The following GAPVD1 variants were observed in gnomAD, a reference collection of about 807,000 sequenced individuals.
GAPVD1 encodes GTPase activating protein and VPS9 domains 1.
A neutral mutation model predicts 155.5 loss-of-function variants in GAPVD1; 35 were observed. The ratio of observed to expected loss-of-function variants is 0.23; its 90% confidence interval spans 0.17 to 0.30. The LOEUF is 0.30. Ranked by LOEUF, GAPVD1 falls within the 10% of genes least tolerant of loss-of-function variation. The probability of loss-of-function intolerance (pLI) is 1.00; values close to 1 mark genes in which losing one functional copy is unlikely to be tolerated. For missense variants in GAPVD1, 1,429 were observed against 1,775.7 expected (o/e 0.80, Z 3.51); for synonymous variants, 636 against 619.7 (o/e 1.03, Z -0.39).
intron 9 of GAPVD1, among the ~76,000 whole-genome samples, chr9:125,314,189 G>A (rs1400505421): frequency 6.6e-6 from 1 of 152,100 alleles, no homozygotes; most frequent in Non-Finnish European, 1.5e-5. Context: ...CTGCATTATA[G>A]AGCCAAAAAT....
chr9:125,354,748 C>A lies in GAPVD1; in HGVS notation c.3664C>A (p.Arg1222=). The A allele has an allele frequency of 6.2e-7, 1 of 1,613,034 alleles. No homozygotes were observed. Among genetic ancestry groups the A allele is most frequent in the Non-Finnish European group, 8.5e-7 (1 of 1,179,012 alleles). ...GGAAAGGCTATTGCAAAGAGTTTTG[C>A]GGGACAAAGAAGTGGCCAATCGATA... The part of the protein sequence containing the change: ...HLERLLQRVL[R]DKEVANRYFT... The change falls in exon 24 of 28, where the codon CGG becomes AGG. Residue 1222 remains arginine, a synonymous_variant. Transcript: ENST00000297933.
chr9:125,333,565 C>T (rs1025017524), intron 15 of GAPVD1, among the ~76,000 whole-genome samples: 26 of 150,322 alleles, frequency 1.7e-4, no homozygotes, highest in Middle Eastern at 3.4e-3. Context: ...CTCGGCTCAC[C>T]ACAACCTCTG....
chr9:125,313,653 G>A (rs1190252642), intron 9 of GAPVD1, among the ~76,000 whole-genome samples: 1 of 152,056 alleles, frequency 6.6e-6, no homozygotes, highest in Non-Finnish European at 1.5e-5. Context: ...CACAGCTGGA[G>A]TGCAATGGTG....
At chr9:125,332,860 G>A (rs1206023400) in intron 15 of GAPVD1, among the ~76,000 whole-genome samples, 3 of 152,156 alleles carry the variant, frequency 2.0e-5, no homozygotes, top group Admixed American at 6.5e-5. Context: ...TCCTTAGCAC[G>A]AAGATGTTCT....
rs1826898842 is a variant in GAPVD1, at chr9:125,337,277, C to G, written c.2563C>G (p.Pro855Ala). 1.2e-6 allele frequency: 2 copies of G among 1,613,958 alleles called. No homozygotes were observed. The highest frequency in any genetic ancestry group is 1.7e-6 in the Non-Finnish European group (2 of 1,179,960). Residue 855 changes from proline to alanine, a missense_variant, in exon 17 of 28, where the codon CCA (proline) becomes GCA (alanine). Physicochemically the swap from Pro to Ala is conservative, Grantham distance 27. This residue lies in a region of GAPVD1 where 699 missense variants were observed against 826.0 expected (regional missense o/e 0.85). Coordinates refer to ENST00000297933, the MANE Select transcript of GAPVD1 (RefSeq NM_001282680.3). ...CTATGCTAGGCCATCGCATCCACCA[C>G]CAGATCCCCCAATCCTGGAAGGAGC... ...VHYARPSHPP[P>A]DPPILEGAVG...
intron 8 of GAPVD1, chr9:125,310,031 C>G (rs1295726519): frequency 5.3e-6 from 2 of 377,574 alleles, no homozygotes; most frequent in East Asian, 1.7e-4. Flanking sequence ...GCTGTTCTTC[C>G]TCTTCTTTTA....
At chr9:125,300,540 A>G (rs942032870) in intron 4 of GAPVD1, among the ~76,000 whole-genome samples, 3 of 152,102 alleles carry the variant, frequency 2.0e-5, no homozygotes, top group African/African-American at 7.2e-5. Flanking sequence ...GATGCAAAAG[A>G]ATACATACTG....
intron 2 of GAPVD1, among the ~76,000 whole-genome samples, chr9:125,271,750 C>T (rs903445638): frequency 8.5e-5 from 13 of 152,110 alleles, no homozygotes; most frequent in South Asian, 4.2e-4. Context: ...GTTGTTTCAC[C>T]GTGTTAGCCG....
intron 1 of GAPVD1, chr9:125,263,528 G>GTTTT: frequency 1.4e-6 from 1 of 697,908 alleles, no homozygotes; most frequent in Non-Finnish European, 2.4e-6. Context: ...AAGAACTGTT[G>GTTTT]TTTTTTTTTT....
Position 125,312,475 on chromosome 9 carries a change from A to G in GAPVD1, c.1465A>G (p.Asn489Asp). The change falls in exon 9 of 28, where the codon AAT becomes GAT. Residue 489 changes from asparagine to aspartate, a missense_variant. This residue lies in a region of GAPVD1 where 628 missense variants were observed against 733.4 expected (regional missense o/e 0.86). Coordinates refer to ENST00000297933, the MANE Select transcript of GAPVD1 (RefSeq NM_001282680.3). ...AGCAACTCGGAGCAGAAGCCGCACC[A>G]ATATGCTAATGGACCTACATATGGA... Reference protein sequence around the residue: ...PIATRSRSRTNMLMDLHMDHE... With the variant: ...PIATRSRSRTDMLMDLHMDHE... 1 of 1,593,132 alleles carries G rather than the reference A, an allele frequency of 6.3e-7. No individual in the cohort carries two copies. The highest frequency in any genetic ancestry group is 8.5e-7 in the Non-Finnish European group (1 of 1,173,106).
chr9:125,277,307 A>G lies in GAPVD1; in HGVS notation c.-150+8323A>G, dbSNP rs1301163646. 2.6e-5 allele frequency among the ~76,000 whole-genome samples: 4 copies of G among 152,316 alleles called. No homozygotes were observed. In the East Asian group the frequency reaches 7.7e-4, roughly 29 times the overall value. On this transcript the variant is annotated intron_variant, in intron 2 of 27. Transcript: ENST00000297933. ...TGTTGTAAAAACAACATTTTGTTGC[A>G]GACAATGTAAAGTGCTGTGGGAGAG... is the stretch of plus-strand genomic sequence containing the variant.
chr9:125,347,733 A>C (rs181129880), intron 20 of GAPVD1, among the ~76,000 whole-genome samples: 2 of 147,084 alleles, frequency 1.4e-5, no homozygotes, highest in African/African-American at 5.1e-5. Context: ...AAAAAAAAAA[A>C]CAAACATAAA....
chr9:125,360,714 G>A lies in GAPVD1; in HGVS notation c.4231G>A (p.Val1411Met). 1 of 1,613,692 alleles carries A rather than the reference G, an allele frequency of 6.2e-7. No homozygotes were observed. The highest frequency in any genetic ancestry group is 8.5e-7 in the Non-Finnish European group (1 of 1,179,694). The change falls in exon 27 of 28, where the codon GTG (valine) becomes ATG (methionine). Residue 1411 changes from valine to methionine, a missense_variant. Around this residue, in one of 4 missense-constraint regions of GAPVD1, gnomAD observed 102 missense variants for 196.5 expected, o/e 0.52. Coordinates refer to ENST00000297933, the MANE Select transcript of GAPVD1 (RefSeq NM_001282680.3). ...ADDFVPVLVF[V>M]LIKANPPCLL... ...TGACTTTGTTCCTGTGTTGGTGTTT[G>A]TGTTGATAAAGGTGGGCCCCTTACT...
At chr9:125,337,149 C>G (rs1010349534) in intron 16 of GAPVD1, 54 bp downstream of exon 16, 6 of 1,600,236 alleles carry the variant, frequency 3.7e-6, no homozygotes, top group Non-Finnish European at 5.1e-6. Flanking sequence ...AGGAGGAAAC[C>G]AAATCCCCTT....
intron 1 of GAPVD1, among the ~76,000 whole-genome samples, chr9:125,265,696 C>A (rs534258596): frequency 5.8e-5 from 8 of 137,894 alleles, no homozygotes; most frequent in African/African-American, 1.6e-4. Flanking sequence ...CAAGTGTGAG[C>A]CACCGCGCCC....
intron 4 of GAPVD1, among the ~76,000 whole-genome samples, chr9:125,300,696 C>G (rs1588767772): frequency 6.6e-6 from 1 of 151,796 alleles, no homozygotes; most frequent in Non-Finnish European, 1.5e-5. Context: ...TTAAAATGTT[C>G]CATGTCTTAA....
In GAPVD1 at chr9:125,364,870, C is replaced by G. The variant is rs531995506; in HGVS notation, c.*2124C>G. ...CTTTGATTCAGTAAATGTTAAGCAG[C>G]AGAAGACTTCGAATGGTTGAAATTC... On this transcript the variant is annotated 3_prime_UTR_variant, in exon 28 of 28. Transcript: ENST00000297933. 6.6e-6 allele frequency: 1 copy of G among 152,586 alleles called. No individual in the cohort carries two copies. The highest frequency in any genetic ancestry group is 1.5e-5 in the Non-Finnish European group (1 of 68,032). 9.5% of individuals were successfully genotyped at this position (152,586 alleles called of 1,614,324 possible). A position where few individuals can be genotyped will look rare whatever the true frequency, so the allele number is the denominator to read the frequency against.
Position 125,337,253 on chromosome 9 carries a change from T to C in GAPVD1, c.2539T>C (p.Tyr847His), listed in dbSNP as rs953687195. 1 of 1,614,178 alleles carries C rather than the reference T, an allele frequency of 6.2e-7. No individual in the cohort carries two copies. The highest frequency in any genetic ancestry group is 8.5e-7 in the Non-Finnish European group (1 of 1,180,016). The stretch of plus-strand genomic sequence containing the variant: ...TGCTGTGGTAAGGCCAAAGGTTCAC[T>C]ATGCTAGGCCATCGCATCCACCACC... Reference protein sequence around the residue: ...ASAVVRPKVHYARPSHPPPDP... With the variant: ...ASAVVRPKVHHARPSHPPPDP... The change falls in exon 17 of 28, where the codon TAT becomes CAT. Residue 847 changes from tyrosine (Y) to histidine (H), a missense_variant. This residue lies in a region of GAPVD1 where 699 missense variants were observed against 826.0 expected (regional missense o/e 0.85). Transcript: ENST00000297933.
At chr9:125,323,451 G>A (rs1844691253) in intron 10 of GAPVD1, among the ~76,000 whole-genome samples, 2 of 152,086 alleles carry the variant, frequency 1.3e-5, no homozygotes. Context: ...TACTACAGGT[G>A]CCCGCCACCA....
Sources: allele counts gnomAD v4.1 joint callset (sites outside exome capture counted in the v4.1 genomes callset), GRCh38; gene constraint gnomAD v4.1.1; regional missense constraint gnomAD v4.1.1; transcripts MANE v1.5; gene names NCBI Gene and HGNC (gene_info 2026-07-23, HGNC 2026-07-21).